Variants in RAB18 observed in about 807,000 individuals in gnomAD.
The protein encoded by RAB18 is RAB18, member RAS oncogene family, also known as ras-related protein Rab-18.
A neutral mutation model predicts 28.5 loss-of-function variants in RAB18; 10 were observed. The ratio of observed to expected loss-of-function variants is 0.35; its 90% CI spans 0.22 to 0.60. RAB18 has a LOEUF of 0.60. Ranked by LOEUF, RAB18 falls within the 20% of genes least tolerant of loss-of-function variation. The probability of loss-of-function intolerance (pLI) is 0.78; values close to 1 mark genes in which losing one functional copy is unlikely to be tolerated. For missense variants in RAB18, 188 were observed against 244.2 expected (o/e 0.77, Z 1.53); for synonymous variants, 93 against 86.9 (o/e 1.07, Z -0.39).
chr10:27,514,311 A>G (rs1402588282), intron 2 of RAB18: 1 of 152,234 alleles, frequency 6.6e-6, no homozygotes, highest in African/African-American at 2.4e-5. Flanking sequence ...GTGATCAAAC[A>G]TTTTGCCATG....
chr10:27,525,902 T>C (rs928162936), intron 2 of RAB18, among the ~76,000 whole-genome samples: 5 of 152,236 alleles, frequency 3.3e-5, no homozygotes, highest in Non-Finnish European at 5.9e-5. Flanking sequence ...GGGGCTGTTC[T>C]GAATTAATTG....
chr10:27,534,903 A>G (rs1046123099), intron 6 of RAB18, among the ~76,000 whole-genome samples: 7 of 152,230 alleles, frequency 4.6e-5, no homozygotes, highest in Admixed American at 1.3e-4. Context: ...TACTTGCTGT[A>G]TGTCCCTCAT....
At chr10:27,512,781 T>C (rs986699497) in intron 2 of RAB18, among the ~76,000 whole-genome samples, 3 of 152,062 alleles carry the variant, frequency 2.0e-5, no homozygotes, top group Admixed American at 2.0e-4. Context: ...ACATATAATA[T>C]TAACTGTCTT....
In RAB18 at chr10:27,533,595, A is replaced by T. The variant is rs539024795; in HGVS notation, c.260-140A>T. ...GTTTCTTCCATTTGGATCAGTAGACACTCAATATTAATCGTTGAAGACAAT... is the reference window on the plus strand; with the variant it reads ...GTTTCTTCCATTTGGATCAGTAGACTCTCAATATTAATCGTTGAAGACAAT... On this transcript the variant is annotated intron_variant, in intron 4 of 6. Transcript: ENST00000356940. 1.7e-5 allele frequency: 16 copies of T among 955,950 alleles called. No individual in the cohort carries two copies. The South Asian group carries it at 2.5e-4, about 15-fold the overall frequency. The allele number at this position is 955,950 out of a possible 1,614,324, so 59.2% of individuals were successfully genotyped here. A position where few individuals can be genotyped will look rare whatever the true frequency, so the allele number is the denominator to read the frequency against.
rs1834837766 is a variant in RAB18, at chr10:27,533,804, G to A, written c.329G>A (p.Cys110Tyr). Residue 110 changes from cysteine to tyrosine, a missense_variant, in exon 5 of 7, where the codon TGT becomes TAT. Coordinates refer to ENST00000356940, the MANE Select transcript of RAB18 (RefSeq NM_021252.5). ...TGGTTAAATGAATTGGAAACATACT[G>A]TACAAGAAATGACATAGTAAACATG... ...DNWLNELETY[C>Y]TRNDIVNMLV... 4 of 1,613,520 alleles carry A rather than the reference G, an allele frequency of 2.5e-6. No individual in the cohort carries two copies. Among genetic ancestry groups the A allele is most frequent in the Admixed American group, 1.7e-5 (1 of 59,990 alleles).
intron 1 of RAB18, among the ~76,000 whole-genome samples, chr10:27,506,502 T>G (rs1837842368): frequency 6.6e-6 from 1 of 152,054 alleles, no homozygotes; most frequent in South Asian, 2.1e-4. Context: ...TTTTTATTTT[T>G]TATAGAGAGG....
Position 27,509,949 on chromosome 10 carries a change from A to G in RAB18, c.124+19A>G. ...ACAATAGGTAAGCCTGTGTTTAAAA[A>G]TTCTATAGAAATGGCCAGTATTTTC... is the stretch of plus-strand genomic sequence containing the variant. On this transcript the variant is annotated intron_variant, in intron 2 of 6. Coordinates refer to ENST00000356940, the MANE Select transcript of RAB18 (RefSeq NM_021252.5). The G allele has an allele frequency of 6.3e-7, 1 of 1,594,094 alleles. No homozygotes were observed. Among genetic ancestry groups the G allele is most frequent in the Non-Finnish European group, 8.6e-7 (1 of 1,162,206 alleles).
chr10:27,513,537 T>C (rs768173378), intron 2 of RAB18, among the ~76,000 whole-genome samples: 1 of 152,148 alleles, frequency 6.6e-6, no homozygotes, highest in Non-Finnish European at 1.5e-5. Context: ...GATTTGCAGA[T>C]GGTACTATAA....
intron 2 of RAB18, among the ~76,000 whole-genome samples, chr10:27,523,347 A>G (rs1589575847): frequency 1.4e-5 from 2 of 139,992 alleles, no homozygotes; most frequent in Non-Finnish European, 3.0e-5. Context: ...CAAATTTGAA[A>G]TTTTTCAGCC....
intron 1 of RAB18, among the ~76,000 whole-genome samples, chr10:27,507,361 G>A (rs1837867423): frequency 6.6e-6 from 1 of 152,172 alleles, no homozygotes; most frequent in African/African-American, 2.4e-5. Flanking sequence ...ATACTTGAAT[G>A]CTGTAGGCCT....
chr10:27,520,219 G>A (rs1225838243), intron 2 of RAB18, among the ~76,000 whole-genome samples: 1 of 151,980 alleles, frequency 6.6e-6, no homozygotes, highest in Non-Finnish European at 1.5e-5. Context: ...GGCAGATTGT[G>A]TATTTGTTAG....
In RAB18 at chr10:27,533,770, C is replaced by T; in HGVS notation, c.295C>T (p.Leu99=). 1 of 1,613,460 alleles carries T rather than the reference C, an allele frequency of 6.2e-7. No homozygotes were observed. Among genetic ancestry groups the T allele is most frequent in the Non-Finnish European group, 8.5e-7 (1 of 1,179,698 alleles). Residue 99 remains leucine, a synonymous_variant, in exon 5 of 7, where the codon CTG becomes TTG. Coordinates refer to ENST00000356940, the MANE Select transcript of RAB18 (RefSeq NM_021252.5). The part of the protein sequence containing the change: ...DVTRRDTFVK[L]DNWLNELETY... ...CACAAGAAGAGATACATTTGTTAAA[C>T]TGGATAATTGGTTAAATGAATTGGA...
At chr10:27,505,509 G>C (rs1837802161) in intron 1 of RAB18, among the ~76,000 whole-genome samples, 1 of 152,046 alleles carries the variant, frequency 6.6e-6, no homozygotes, top group Non-Finnish European at 1.5e-5. Flanking sequence ...CTTTTTAAAA[G>C]CTTCTTCAGA....
rs1186591125 is a variant in RAB18, at chr10:27,537,818, C to T, written c.446-58C>T. 4.8e-6 allele frequency: 7 copies of T among 1,464,352 alleles called. No individual in the cohort carries two copies. In the East Asian group the frequency reaches 1.4e-4, roughly 29 times the overall value. The allele number at this position is 1,464,352 out of a possible 1,614,324, so 90.7% of individuals were successfully genotyped here. On this transcript the variant is annotated intron_variant, in intron 6 of 6. Coordinates refer to ENST00000356940, the MANE Select transcript of RAB18 (RefSeq NM_021252.5). ...ATGCCCTGATAGTTTCCCAGAAAAA[C>T]ATGAGAATATGGCCAGAAAGGAATA...
At position 27,509,605 on chromosome 10, in the gene RAB18, A is replaced by G. The variant is rs538331808; in HGVS notation, c.69-270A>G. Among the ~76,000 whole-genome samples the G allele has an allele frequency of 1.4e-3, 210 of 151,916 alleles. 1 individual carries two copies. Among genetic ancestry groups the G allele is most frequent in the African/African-American group, 5.0e-3 (207 of 41,442 alleles). Reference sequence around the variant, plus strand: ...CAGTTAAAAAACAACTACAACAAAAACCCCCACCTTTTGTACTTGGGGGAT... The same window carrying G: ...CAGTTAAAAAACAACTACAACAAAAGCCCCCACCTTTTGTACTTGGGGGAT... On this transcript the variant is annotated intron_variant, in intron 1 of 6. Coordinates refer to ENST00000356940, the MANE Select transcript of RAB18 (RefSeq NM_021252.5).
chr10:27,508,868 A>T (rs1261861626), intron 1 of RAB18, among the ~76,000 whole-genome samples: 1 of 152,162 alleles, frequency 6.6e-6, no homozygotes. Flanking sequence ...TAGATATCTG[A>T]TGGCTGTTTC....
chr10:27,511,899 T>A (rs1006889919), intron 2 of RAB18, among the ~76,000 whole-genome samples: 3 of 152,206 alleles, frequency 2.0e-5, no homozygotes, highest in African/African-American at 4.8e-5. Flanking sequence ...GGGATTTTTT[T>A]AAAATGCCAT....
Position 27,541,634 on chromosome 10 carries a change from GC to G in RAB18, c.*3584del, listed in dbSNP as rs751089781. The G allele has an allele frequency of 2.3e-4, 97 of 417,864 alleles. No individual in the cohort carries two copies. The highest frequency in any genetic ancestry group is 2.1e-3 in the East Asian group (27 of 13,164). 25.9% of individuals were successfully genotyped at this position (417,864 alleles called of 1,614,324 possible). A position where few individuals can be genotyped will look rare whatever the true frequency, so the allele number is the denominator to read the frequency against. On this transcript the variant is annotated 3_prime_UTR_variant, in exon 7 of 7. Transcript: ENST00000356940. ...CCGTTTCTCATGCAGGTTATTTCTT[GC>G]TTTTTTTTTTTTTCCTCTTTTTTAA...
At chr10:27,504,994 C>A (rs919743631) in intron 1 of RAB18, 2 of 533,472 alleles carry the variant, frequency 3.7e-6, no homozygotes, top group East Asian at 1.1e-4. Context: ...TGTGAAAGAA[C>A]TGGATCTTGT....
Sources: gnomAD v4.1 joint callset for allele counts (sites outside exome capture counted in the v4.1 genomes callset) on GRCh38, gnomAD v4.1.1 for gene constraint, MANE v1.5 for transcripts, NCBI Gene and HGNC (gene_info 2026-07-23, HGNC 2026-07-21) for gene names.